FBXO32: variants seen among roughly 807,000 people sequenced by gnomAD.
FBXO32 encodes the protein F-box only protein 32.
FBXO32 carries 15 observed loss-of-function variants against 48.3 expected under a neutral mutation model. That is an observed-to-expected ratio of 0.31 (90% confidence interval 0.21 to 0.48). FBXO32 has a LOEUF of 0.48. Ranked by LOEUF, FBXO32 falls within the 20% of genes least tolerant of loss-of-function variation. The probability of loss-of-function intolerance (pLI) is 0.99; values close to 1 mark genes in which losing one functional copy is unlikely to be tolerated. For synonymous variants in FBXO32, 154 were observed against 165.9 expected (o/e 0.93, Z 0.55); for missense variants, 309 against 432.7 (o/e 0.71, Z 2.54).
chr8:123,503,698 G>A (rs964175407), intron 8 of FBXO32, among the ~76,000 whole-genome samples: 22 of 152,172 alleles, frequency 1.4e-4, no homozygotes, highest in Non-Finnish European at 2.4e-4. Flanking sequence ...GCAGAGAAGT[G>A]GATCAATGGG....
chr8:123,504,562 G>C (rs776108094), intron 8 of FBXO32, 42 bp downstream of exon 8: 2 of 1,583,298 alleles, frequency 1.3e-6, no homozygotes, highest in Admixed American at 3.6e-5. Flanking sequence ...GCTCTTAGGG[G>C]CTGGGCTGGG....
chr8:123,508,986 A>C (rs1175588632), intron 6 of FBXO32, among the ~76,000 whole-genome samples: 3 of 152,080 alleles, frequency 2.0e-5, no homozygotes, highest in African/African-American at 7.2e-5. Context: ...TCGCTCCTCT[A>C]GTCAAGCATT....
At chr8:123,509,057 A>G (rs564890435) in intron 6 of FBXO32, among the ~76,000 whole-genome samples, 1 of 152,262 alleles carries the variant, frequency 6.6e-6, no homozygotes, top group Non-Finnish European at 1.5e-5. Context: ...TGCCCTGCCC[A>G]CCGCATACTG....
In FBXO32 at chr8:123,498,870, G is replaced by T. The variant is rs1816418900; in HGVS notation, c.*4503C>A. ...TGCCACATTCACAACAGAATCAGAG[G>T]TCTGTGAAAACATTAAGTGGCTCCT... is the stretch of plus-strand genomic sequence containing the variant. On this transcript the variant is annotated 3_prime_UTR_variant, in exon 9 of 9. Transcript: ENST00000517956. The T allele has an allele frequency of 6.6e-6, 1 of 152,234 alleles. No homozygotes were observed. Among genetic ancestry groups the T allele is most frequent in the African/African-American group, 2.4e-5 (1 of 41,462 alleles). 9.4% of individuals were successfully genotyped at this position (152,234 alleles called of 1,614,324 possible).
chr8:123,498,536 A>AT lies in FBXO32; in HGVS notation c.*4836dup, dbSNP rs1031507868. Reference sequence around the variant, plus strand: ...TTGCTCCTGGCTGCCTCATGGAATAATCCCCCTTTGCTTAGTAAAAGATGA... The same window carrying AT: ...TTGCTCCTGGCTGCCTCATGGAATAATTCCCCCTTTGCTTAGTAAAAGATGA... On this transcript the variant is annotated 3_prime_UTR_variant, in exon 9 of 9. Transcript: ENST00000517956. 6.6e-5 allele frequency: 10 copies of AT among 152,302 alleles called. No individual in the cohort carries two copies. The highest frequency in any genetic ancestry group is 2.4e-4 in the African/African-American group (10 of 41,570). The allele number at this position is 152,302 out of a possible 1,614,324, so 9.4% of individuals were successfully genotyped here. A position where few individuals can be genotyped will look rare whatever the true frequency, so the allele number is the denominator to read the frequency against.
rs1428268616 is a variant in FBXO32, at chr8:123,506,362, T to C, written c.834+30A>G. 3 of 1,607,476 alleles carry C rather than the reference T, an allele frequency of 1.9e-6. No individual in the cohort carries two copies. In the South Asian group the frequency reaches 3.3e-5, roughly 18 times the overall value. ...TGGGGTGAGGGCCAGAGAAGGAGGG[T>C]GGGAGGAAAGCCCACTGGGCCTTGC... On this transcript the variant is annotated intron_variant, in intron 7 of 8. Coordinates refer to ENST00000517956, the MANE Select transcript of FBXO32 (RefSeq NM_058229.4). The surrounding 1 kb of genome is among the most constrained non-coding windows in gnomAD (Gnocchi z 4.0).
rs567672799 is a variant in FBXO32 at position 123,537,278 on chromosome 8, G to T, written c.117-2464C>A. On this transcript the variant is annotated intron_variant, in intron 1 of 8. Coordinates refer to ENST00000517956, the MANE Select transcript of FBXO32 (RefSeq NM_058229.4). ...TAAGCAAAACCATCTCAACGAGGCT[G>T]CTTTCTTCACTAAATTCAATAATAG... is the stretch of plus-strand genomic sequence containing the variant. Among the ~76,000 whole-genome samples, 6 of 151,592 alleles carry T rather than the reference G, an allele frequency of 4.0e-5. No homozygotes were observed. In the South Asian group the frequency reaches 1.3e-3, roughly 32 times the overall value.
rs533989811 is a variant in FBXO32 at position 123,500,957 on chromosome 8, G to T, written c.*2416C>A. ...CTTGGGGCAGAGGTCATCTTGCACA[G>T]ATGCACATGGTTGCCTGGAGTCTAT... On this transcript the variant is annotated 3_prime_UTR_variant, in exon 9 of 9. Coordinates refer to ENST00000517956, the MANE Select transcript of FBXO32 (RefSeq NM_058229.4). 1 of 152,336 alleles carries T rather than the reference G, an allele frequency of 6.6e-6. No individual in the cohort carries two copies. The highest frequency in any genetic ancestry group is 1.9e-4 in the East Asian group (1 of 5,190). The allele number at this position is 152,336 out of a possible 1,614,324, so 9.4% of individuals were successfully genotyped here.
intron 4 of FBXO32, among the ~76,000 whole-genome samples, chr8:123,515,408 T>G (rs1005533362): frequency 2.0e-5 from 3 of 151,564 alleles, no homozygotes; most frequent in Non-Finnish European, 2.9e-5. Flanking sequence ...GCTAACAGTT[T>G]TTTTTTTTTT....
chr8:123,504,625 G>A lies in FBXO32; in HGVS notation c.957C>T (p.His319=). ...QYGDTLQLCK[H]CHILSWKGTD... ...ATACCTTCCAGGAAAGGATGTGACA[G>A]TGTTTGCAGAGCTGAAGGGTATCTC... Residue 319 remains histidine (H), a synonymous_variant, in exon 8 of 9, where the codon CAC becomes CAT. Transcript: ENST00000517956. 12 of 1,613,638 alleles carry A rather than the reference G, an allele frequency of 7.4e-6. No individual in the cohort carries two copies. The highest frequency in any genetic ancestry group is 1.0e-5 in the Non-Finnish European group (12 of 1,179,810).
At chr8:123,510,927 T>C (rs998040334) in intron 6 of FBXO32, among the ~76,000 whole-genome samples, 5 of 152,242 alleles carry the variant, frequency 3.3e-5, no homozygotes, top group East Asian at 3.9e-4. Context: ...TGTCCATAGA[T>C]TGGATGGTCA....
intron 4 of FBXO32, among the ~76,000 whole-genome samples, chr8:123,517,864 C>A (rs1319134730): frequency 6.6e-6 from 1 of 152,164 alleles, no homozygotes; most frequent in Non-Finnish European, 1.5e-5. Context: ...GATATTATTT[C>A]TTTCCCTTTA....
At chr8:123,534,622 G>A (rs909581988) in intron 2 of FBXO32, 80 bp downstream of exon 2, 3 of 821,904 alleles carry the variant, frequency 3.7e-6, no homozygotes, top group Non-Finnish European at 6.2e-6. Flanking sequence ...GACATGGGAG[G>A]TGTTATTTTT....
In FBXO32 at chr8:123,525,078, T is replaced by G. The variant is rs187812111; in HGVS notation, c.372+6820A>C. Among the ~76,000 whole-genome samples, 22 of 152,356 alleles carry G rather than the reference T, an allele frequency of 1.4e-4. No homozygotes were observed. In the East Asian group the frequency reaches 3.7e-3, roughly 25 times the overall value. ...GCTTGGCAACAGCATGCCCTTAATT[T>G]AAGGCATTGAATTTAAATTTGAGTC... On this transcript the variant is annotated intron_variant, in intron 4 of 8. Coordinates refer to ENST00000517956, the MANE Select transcript of FBXO32 (RefSeq NM_058229.4). This position sits in a 1 kb window ranked among gnomAD's most constrained non-coding sequence, Gnocchi z 4.3.
At chr8:123,509,962 CA>C (rs2130509833) in intron 6 of FBXO32, among the ~76,000 whole-genome samples, 1 of 152,266 alleles carries the variant, frequency 6.6e-6, no homozygotes, top group African/African-American at 2.4e-5. Context: ...TCATTTATAA[CA>C]TGAGAAAAAG....
rs1206400011 is a variant in FBXO32 at position 123,540,871 on chromosome 8, G to T, written c.116+28C>A. On this transcript the variant is annotated intron_variant, in intron 1 of 8. Coordinates refer to ENST00000517956, the MANE Select transcript of FBXO32 (RefSeq NM_058229.4). This position sits in a 1 kb window ranked among gnomAD's most constrained non-coding sequence, Gnocchi z 6.4. ...ACCAGCCCGGGTCAGTTTCGCGGGGGCTGGAAGTTGGTAGCGGGTCCCCTC... is the reference window on the plus strand; with the variant it reads ...ACCAGCCCGGGTCAGTTTCGCGGGGTCTGGAAGTTGGTAGCGGGTCCCCTC... 1.9e-6 allele frequency: 3 copies of T among 1,581,964 alleles called. No homozygotes were observed. Among genetic ancestry groups the T allele is most frequent in the Non-Finnish European group, 2.6e-6 (3 of 1,153,818 alleles).
chr8:123,533,090 T>C (rs764763192), intron 3 of FBXO32, 101 bp downstream of exon 3: 17 of 823,148 alleles, frequency 2.1e-5, no homozygotes, highest in Non-Finnish European at 3.4e-5. Context: ...CCAAGAAGAC[T>C]CTCATGATCC....
rs780011306 is a variant in FBXO32 at position 123,503,334 on chromosome 8, G to GC, written c.*38dup. On this transcript the variant is annotated 3_prime_UTR_variant, in exon 9 of 9. Coordinates refer to ENST00000517956, the MANE Select transcript of FBXO32 (RefSeq NM_058229.4). ...TGCCATATTCCCAGCTCTCCAGTCAGCAGGGGGACCCTTCTGAAGTGTTGT... is the reference window on the plus strand; with the variant it reads ...TGCCATATTCCCAGCTCTCCAGTCAGCCAGGGGGACCCTTCTGAAGTGTTGT... 6.5e-7 allele frequency: 1 copy of GC among 1,546,146 alleles called. No homozygotes were observed. Among genetic ancestry groups the GC allele is most frequent in the African/African-American group, 1.4e-5 (1 of 73,546 alleles).
chr8:123,500,884 C>A lies in FBXO32; in HGVS notation c.*2489G>T, dbSNP rs1029088988. Reference sequence around the variant, plus strand: ...ATAACACCAAAGGACACGGGGAGAGCCCACTGGTACCATCTTGGTAAACAT... The same window carrying A: ...ATAACACCAAAGGACACGGGGAGAGACCACTGGTACCATCTTGGTAAACAT... On this transcript the variant is annotated 3_prime_UTR_variant, in exon 9 of 9. Coordinates refer to ENST00000517956, the MANE Select transcript of FBXO32 (RefSeq NM_058229.4). The A allele has an allele frequency of 3.9e-5, 6 of 152,210 alleles. No individual in the cohort carries two copies. Among genetic ancestry groups the A allele is most frequent in the Non-Finnish European group, 8.8e-5 (6 of 68,046 alleles). The allele number at this position is 152,210 out of a possible 1,614,324, so 9.4% of individuals were successfully genotyped here.
Sources: allele counts gnomAD v4.1 joint callset (sites outside exome capture counted in the v4.1 genomes callset), GRCh38; gene constraint gnomAD v4.1.1; non-coding constraint Gnocchi (gnomAD v3.1); transcripts MANE v1.5; gene names NCBI Gene and HGNC (gene_info 2026-07-23, HGNC 2026-07-21).